BRF1: variants seen among roughly 807,000 people sequenced by gnomAD.
BRF1 encodes transcription factor IIIB 90 kDa subunit.
In BRF1, 59 loss-of-function variants were observed where a neutral mutation model predicts 81.7. The observed-to-expected ratio is 0.72, with a 90% CI of 0.59 to 0.90. BRF1 has a LOEUF of 0.90. Ranked by LOEUF, BRF1 falls within the 40% of genes least tolerant of loss-of-function variation. The pLI is 0.00. For synonymous variants in BRF1, 491 were observed against 395.6 expected (o/e 1.24, Z -2.86); for missense variants, 1,050 against 936.3 (o/e 1.12, Z -1.58).
At chr14:105,258,378 A>G (rs1356524951) in intron 3 of BRF1, among the ~76,000 whole-genome samples, 2 of 151,930 alleles carry the variant, frequency 1.3e-5, no homozygotes, top group Non-Finnish European at 2.9e-5. Context: ...AGTCCCAGCT[A>G]CTTGGGAGGC....
intron 10 of BRF1, among the ~76,000 whole-genome samples, chr14:105,223,946 A>T (rs917489146): frequency 6.6e-5 from 10 of 152,214 alleles, no homozygotes; most frequent in African/African-American, 2.2e-4. Flanking sequence ...GCTCTAAACT[A>T]ACCCAATAAT....
At chr14:105,221,958 G>A (rs1490961146) in intron 10 of BRF1, 44 bp from the exon 11 acceptor site, 12 of 1,513,528 alleles carry the variant, frequency 7.9e-6, no homozygotes, top group Non-Finnish European at 1.1e-5. Flanking sequence ...GAGGGCCAGG[G>A]TGCCCGCTTT....
chr14:105,302,115 G>T (rs995264253), upstream of BRF1, among the ~76,000 whole-genome samples: 99 of 151,900 alleles, frequency 6.5e-4, no homozygotes, highest in African/African-American at 2.1e-3. Flanking sequence ...CTCCAGCCTG[G>T]GTGACGGGTG....
chr14:105,248,806 G>A (rs1451391584), intron 5 of BRF1: 5 of 983,828 alleles, frequency 5.1e-6, no homozygotes, highest in Non-Finnish European at 6.0e-6. Context: ...CCCCGGCGCG[G>A]CGCGAGGGCG....
intron 15 of BRF1, among the ~76,000 whole-genome samples, chr14:105,216,921 C>T (rs1294834442): frequency 6.6e-6 from 1 of 152,214 alleles, no homozygotes; most frequent in East Asian, 1.9e-4. Flanking sequence ...GCCACAGGCC[C>T]CCAAGACGCA....
At chr14:105,308,779 C>T (rs2058265259) in intron 1 of BRF1, among the ~76,000 whole-genome samples, 2 of 151,982 alleles carry the variant, frequency 1.3e-5, no homozygotes, top group South Asian at 4.1e-4. Context: ...CTGTGCCCAG[C>T]CATGACTTTG....
At chr14:105,222,086 C>A in intron 10 of BRF1, 172 bp from the exon 11 acceptor site, 1 of 715,230 alleles carries the variant, frequency 1.4e-6, no homozygotes. Context: ...GCACTGCACG[C>A]GGAAGTTAGC....
intron 6 of BRF1, among the ~76,000 whole-genome samples, chr14:105,240,987 T>G (rs111399723): frequency 0.013 from 2,017 of 152,274 alleles, 42 homozygotes; most frequent in African/African-American, 0.046. Flanking sequence ...GGGATGCCCA[T>G]GCAGCCGCAC....
At chr14:105,247,299 G>T (rs1342215053) in intron 5 of BRF1, 1 of 985,468 alleles carries the variant, frequency 1.0e-6, no homozygotes, top group South Asian at 4.7e-5. Flanking sequence ...TGCAGCAGGT[G>T]ATCTCCAGCT....
At chr14:105,298,353 G>A (rs954477459) in intron 1 of BRF1, among the ~76,000 whole-genome samples, 1 of 152,200 alleles carries the variant, frequency 6.6e-6, no homozygotes, top group African/African-American at 2.4e-5. Flanking sequence ...TAGTAAAAAA[G>A]CGTGTGATGC....
At chr14:105,279,961 C>A (rs1374411986) in intron 2 of BRF1, among the ~76,000 whole-genome samples, 1 of 152,230 alleles carries the variant, frequency 6.6e-6, no homozygotes, top group Non-Finnish European at 1.5e-5. Context: ...CGACTAGAGC[C>A]ACAGGAGCTC....
At chr14:105,304,199 G>C (rs1319571479), upstream of BRF1, among the ~76,000 whole-genome samples, 2 of 152,086 alleles carry the variant, frequency 1.3e-5, no homozygotes, top group African/African-American at 4.8e-5. Context: ...AGGTTTAAAG[G>C]GTGTGGTTTC....
intron 5 of BRF1, among the ~76,000 whole-genome samples, chr14:105,244,000 A>T (rs1174704119): frequency 6.6e-6 from 1 of 152,094 alleles, no homozygotes; most frequent in Non-Finnish European, 1.5e-5. Context: ...ACTCCATCTC[A>T]AACAAACAAA....
At chr14:105,242,208 G>A (rs916534509) in intron 5 of BRF1, 1 of 152,222 alleles carries the variant, frequency 6.6e-6, no homozygotes, top group Non-Finnish European at 1.5e-5. Flanking sequence ...CATTTACCCT[G>A]ATGTGACTGT....
chr14:105,218,726 G>A (rs1055607064), intron 14 of BRF1, among the ~76,000 whole-genome samples: 1 of 152,190 alleles, frequency 6.6e-6, no homozygotes, highest in Non-Finnish European at 1.5e-5. Flanking sequence ...CCCGAGTCTC[G>A]ACAGTCTGCC....
At chr14:105,248,560 G>A (rs2055299021) in intron 5 of BRF1, 22 of 917,192 alleles carry the variant, frequency 2.4e-5, no homozygotes, top group Non-Finnish European at 2.6e-5. Flanking sequence ...CGCCGCGGCG[G>A]GTACGGGCTC....
At chr14:105,305,381 G>A (rs375096770), upstream of BRF1, among the ~76,000 whole-genome samples, 165 of 152,204 alleles carry the variant, frequency 1.1e-3, no homozygotes, top group African/African-American at 3.7e-3. Flanking sequence ...CAGCCTGGGC[G>A]ACAGATTGAG....
At chr14:105,275,953 G>A (rs1387167031) in intron 2 of BRF1, among the ~76,000 whole-genome samples, 2 of 148,726 alleles carry the variant, frequency 1.3e-5, no homozygotes, top group Non-Finnish European at 3.0e-5. Context: ...TGGGGAGGAG[G>A]CCACAGTGAG....
intron 6 of BRF1, among the ~76,000 whole-genome samples, chr14:105,240,968 C>G (rs1227979172): frequency 1.3e-5 from 2 of 152,210 alleles, no homozygotes; most frequent in African/African-American, 4.8e-5. Flanking sequence ...CCCCACGAGA[C>G]CACGGGCAGG....
Sources: gnomAD v4.1 joint callset for allele counts (sites outside exome capture counted in the v4.1 genomes callset) on GRCh38, gnomAD v4.1.1 for gene constraint, MANE v1.5 for transcripts, NCBI Gene and HGNC (gene_info 2026-07-23, HGNC 2026-07-21) for gene names.